The following STIM2 variants were observed in gnomAD, a reference collection of about 807,000 sequenced individuals.
STIM2 encodes stromal interaction molecule 2.
STIM2 carries 31 observed loss-of-function variants against 85.8 expected under a neutral mutation model. The observed-to-expected ratio is 0.36, with a 90% CI of 0.27 to 0.49. The LOEUF is 0.49. Among genes scored for constraint, STIM2 ranks in the 20% least tolerant of loss-of-function variants. The probability of loss-of-function intolerance (pLI) is 0.98; values close to 1 mark genes in which losing one functional copy is unlikely to be tolerated. For synonymous variants in STIM2, 356 were observed against 331.1 expected, an observed-to-expected ratio of 1.08 and a Z score of -0.82; for missense variants, 841 against 927.6, an observed-to-expected ratio of 0.91 and a Z score of 1.21.
At chr4:26,991,162 C>T (rs555454456) in intron 3 of STIM2, among the ~76,000 whole-genome samples, 1 of 152,060 alleles carries the variant, frequency 6.6e-6, no homozygotes, top group African/African-American at 2.4e-5. Context: ...TCACAATAGG[C>T]AAGATGTGGA....
At chr4:27,000,590 C>T (rs928878279) in intron 5 of STIM2, among the ~76,000 whole-genome samples, 2 of 151,998 alleles carry the variant, frequency 1.3e-5, no homozygotes, top group Non-Finnish European at 2.9e-5. Flanking sequence ...GGAACTAACC[C>T]CTTTCTAAGC....
intron 2 of STIM2, among the ~76,000 whole-genome samples, chr4:26,942,969 C>G (rs1179835777): frequency 6.6e-6 from 1 of 152,044 alleles, no homozygotes; most frequent in Non-Finnish European, 1.5e-5. Context: ...AAAATTGAGT[C>G]CTGATTTCTT....
rs540498336 is a variant in STIM2, at chr4:26,899,637, T to C, written c.152-19867T>C. On this transcript the variant is annotated intron_variant, in intron 1 of 11. Coordinates refer to ENST00000467087, the MANE Select transcript of STIM2 (RefSeq NM_020860.4). ...TCTTTGATGACAGAGCTGATAATTA[T>C]AAGTGAAAAATTCAGTCACTGATGA... Among the ~76,000 whole-genome samples, 43 of 152,296 alleles carry C rather than the reference T, an allele frequency of 2.8e-4. 1 individual carries two copies. The highest frequency in any genetic ancestry group is 7.7e-4 in the African/African-American group (32 of 41,586).
intron 11 of STIM2, chr4:27,019,682 AT>A (rs34654053): frequency 0.024 from 7,626 of 318,494 alleles, no homozygotes; most frequent in East Asian, 0.059. Context: ...ATATTTACTG[AT>A]TTTTTTTTTT....
Position 26,910,732 on chromosome 4 carries a change from A to G in STIM2, c.152-8772A>G, listed in dbSNP as rs187179754. ...GTTAGTAAATGAATTGCATATTAAT[A>G]AGACAGTTGCTGAGGTAGAGGCATT... is the stretch of plus-strand genomic sequence containing the variant. On this transcript the variant is annotated intron_variant, in intron 1 of 11. Coordinates refer to ENST00000467087, the MANE Select transcript of STIM2 (RefSeq NM_020860.4). Among the ~76,000 whole-genome samples the G allele has an allele frequency of 1.1e-3, 169 of 152,286 alleles. 1 individual carries two copies. The highest frequency in any genetic ancestry group is 3.5e-3 in the African/African-American group (147 of 41,570).
At chr4:26,862,324 T>G (rs1224378900) in intron 1 of STIM2, among the ~76,000 whole-genome samples, 31 of 152,142 alleles carry the variant, frequency 2.0e-4, no homozygotes, top group African/African-American at 6.7e-4. Flanking sequence ...AATGGTTTTT[T>G]TTTTTTTTTT....
chr4:27,012,674 T>G (rs767853099), intron 10 of STIM2, among the ~76,000 whole-genome samples: 8 of 152,070 alleles, frequency 5.3e-5, no homozygotes, highest in Non-Finnish European at 1.2e-4. Flanking sequence ...TTGCCCAAGC[T>G]AAGACCTCCA....
At chr4:27,002,480 A>T (rs1348340886) in intron 6 of STIM2, 86 bp downstream of exon 6, 1 of 1,040,024 alleles carries the variant, frequency 9.6e-7, no homozygotes, top group Non-Finnish European at 1.4e-6. Flanking sequence ...AAATACTTAC[A>T]TTTAGGTTAT....
chr4:26,913,754 A>G (rs1373520827), intron 1 of STIM2, among the ~76,000 whole-genome samples: 1 of 152,230 alleles, frequency 6.6e-6, no homozygotes, highest in Admixed American at 6.5e-5. Context: ...GTCCTGTTAG[A>G]TAAGTAATTT....
At chr4:26,864,332 G>T (rs1364070558) in intron 1 of STIM2, among the ~76,000 whole-genome samples, 2 of 152,002 alleles carry the variant, frequency 1.3e-5, no homozygotes, top group Admixed American at 1.3e-4. Context: ...TGAGAGCTTG[G>T]TGATTGTATT....
chr4:26,970,845 T>G (rs1328555262), intron 3 of STIM2, among the ~76,000 whole-genome samples: 1 of 152,088 alleles, frequency 6.6e-6, no homozygotes, highest in Admixed American at 6.6e-5. Flanking sequence ...TTGAACTAAC[T>G]TACACTCCCA....
intron 1 of STIM2, among the ~76,000 whole-genome samples, chr4:26,885,841 A>ATG (rs1288899437): frequency 2.4e-4 from 8 of 33,452 alleles, no homozygotes; most frequent in South Asian, 8.2e-4. Flanking sequence ...ATATATATAT[A>ATG]TATATATATA....
At chr4:26,944,612 A>G (rs1482957199) in intron 2 of STIM2, among the ~76,000 whole-genome samples, 4 of 152,358 alleles carry the variant, frequency 2.6e-5, no homozygotes, top group Admixed American at 6.5e-5. Flanking sequence ...AAGAGTGACA[A>G]GATACCAAGG....
chr4:26,908,298 A>T (rs866104153), intron 1 of STIM2, among the ~76,000 whole-genome samples: 1 of 152,206 alleles, frequency 6.6e-6, no homozygotes, highest in African/African-American at 2.4e-5. Flanking sequence ...ATAGGGAAAG[A>T]TAGAGTTCTT....
rs563702327 is a variant in STIM2, at chr4:26,861,462, A to C, written c.151+93A>C. ...TCAGCATCTCCGCCGGACGTCCGCTATTCCGCGGCTCCGGCCAGGGCGCGA... is the reference window on the plus strand; with the variant it reads ...TCAGCATCTCCGCCGGACGTCCGCTCTTCCGCGGCTCCGGCCAGGGCGCGA... On this transcript the variant is annotated intron_variant, in intron 1 of 11. Coordinates refer to ENST00000467087, the MANE Select transcript of STIM2 (RefSeq NM_020860.4). 3.4e-3 allele frequency: 4,151 copies of C among 1,234,716 alleles called. 5 individuals are homozygous for C. Among genetic ancestry groups the C allele is most frequent in the Non-Finnish European group, 3.9e-3 (3,893 of 988,772 alleles). 76.5% of individuals were successfully genotyped at this position (1,234,716 alleles called of 1,614,324 possible).
At chr4:26,914,650 C>G (rs778867211) in intron 1 of STIM2, among the ~76,000 whole-genome samples, 17 of 152,120 alleles carry the variant, frequency 1.1e-4, no homozygotes, top group Non-Finnish European at 2.1e-4. Context: ...TTTACATATA[C>G]TTAAACCATT....
At chr4:26,958,761 A>G (rs543434728) in intron 3 of STIM2, among the ~76,000 whole-genome samples, 1 of 152,312 alleles carries the variant, frequency 6.6e-6, no homozygotes, top group African/African-American at 2.4e-5. Flanking sequence ...GAAATAAACA[A>G]ATATCAGTTT....
intron 2 of STIM2, among the ~76,000 whole-genome samples, chr4:26,945,455 G>GTGTA (rs1446724646): frequency 1.3e-5 from 2 of 152,054 alleles, no homozygotes; most frequent in Admixed American, 1.3e-4. Flanking sequence ...ATTCCTTTGG[G>GTGTA]TGTATACCCA....
intron 9 of STIM2, 107 bp downstream of exon 9, chr4:27,008,635 A>G: frequency 8.9e-7 from 1 of 1,121,396 alleles, no homozygotes; most frequent in Non-Finnish European, 1.3e-6. Context: ...AATTTACATT[A>G]GTTTTAAGAG....
Sources: allele counts gnomAD v4.1 joint callset (sites outside exome capture counted in the v4.1 genomes callset), GRCh38; gene constraint gnomAD v4.1.1; transcripts MANE v1.5; gene names NCBI Gene and HGNC (gene_info 2026-07-23, HGNC 2026-07-21).